HS3ST3B1: variants seen among roughly 807,000 people sequenced by gnomAD.
HS3ST3B1 encodes the protein heparan sulfate glucosamine 3-O-sulfotransferase 3B1.
HS3ST3B1 carries 13 observed loss-of-function variants against 21.3 expected under a neutral mutation model. That is an observed-to-expected ratio of 0.61 (90% CI 0.40 to 0.97). The LOEUF is 0.97. HS3ST3B1 is among the 50% of genes least tolerant of loss of function. The pLI is 0.00. For synonymous variants in HS3ST3B1, 234 were observed against 254.8 expected (o/e 0.92, Z 0.78); for missense variants, 459 against 554.8 (o/e 0.83, Z 1.73).
chr17:14,328,666 CAA>C (rs1363385404), intron 1 of HS3ST3B1: 1 of 152,146 alleles, frequency 6.6e-6, no homozygotes, highest in Non-Finnish European at 1.5e-5. Context: ...TGTAGCATCT[CAA>C]GTTTTATAGT....
At chr17:14,311,726 G>C (rs895033150) in intron 1 of HS3ST3B1, among the ~76,000 whole-genome samples, 2 of 152,156 alleles carry the variant, frequency 1.3e-5, no homozygotes, top group Non-Finnish European at 2.9e-5. Context: ...AAAACACTGA[G>C]GAAGTACAGG....
At chr17:14,335,550 C>T (rs1025960054) in intron 1 of HS3ST3B1, among the ~76,000 whole-genome samples, 1 of 152,110 alleles carries the variant, frequency 6.6e-6, no homozygotes, top group Non-Finnish European at 1.5e-5. Context: ...CAAAAATTAG[C>T]TGGGCATGGT....
chr17:14,338,316 G>A lies in HS3ST3B1; in HGVS notation c.555-6712G>A, dbSNP rs9906666. 3.2e-3 allele frequency among the ~76,000 whole-genome samples: 483 copies of A among 151,452 alleles called. 18 individuals carry two copies. The highest frequency in any genetic ancestry group is 0.011 in the African/African-American group (464 of 40,940). On this transcript the variant is annotated intron_variant, in intron 1 of 1. Coordinates refer to ENST00000360954, the MANE Select transcript of HS3ST3B1 (RefSeq NM_006041.3). ...AATTTTTTGTATTTTAGTAGAGATGGGGTTTCATCATGTTAGCCAGGACGG... is the reference window on the plus strand; with the variant it reads ...AATTTTTTGTATTTTAGTAGAGATGAGGTTTCATCATGTTAGCCAGGACGG...
At chr17:14,310,912 G>A (rs1017239138) in intron 1 of HS3ST3B1, among the ~76,000 whole-genome samples, 3 of 152,190 alleles carry the variant, frequency 2.0e-5, no homozygotes, top group Admixed American at 6.5e-5. Context: ...GTGGATGGGT[G>A]TGGGAAGGGA....
intron 1 of HS3ST3B1, among the ~76,000 whole-genome samples, chr17:14,322,783 C>G (rs868450947): frequency 3.9e-5 from 6 of 152,084 alleles, no homozygotes; most frequent in Non-Finnish European, 7.4e-5. Flanking sequence ...GCAGAACAAC[C>G]AACCCGTGGC....
At chr17:14,341,008 C>T (rs1272940766) in intron 1 of HS3ST3B1, among the ~76,000 whole-genome samples, 1 of 152,156 alleles carries the variant, frequency 6.6e-6, no homozygotes, top group African/African-American at 2.4e-5. Flanking sequence ...CTTTCTGACA[C>T]ATGTGGACAA....
At chr17:14,311,242 A>G (rs1254091308) in intron 1 of HS3ST3B1, among the ~76,000 whole-genome samples, 1 of 151,044 alleles carries the variant, frequency 6.6e-6, no homozygotes, top group Middle Eastern at 3.2e-3. Flanking sequence ...CTAATTAAAA[A>G]AAAAAAAAAA....
chr17:14,327,351 A>G (rs1437182608), intron 1 of HS3ST3B1: 1 of 152,210 alleles, frequency 6.6e-6, no homozygotes, highest in Non-Finnish European at 1.5e-5. Flanking sequence ...TAGTCTGAAC[A>G]GATGTTGATT....
intron 1 of HS3ST3B1, among the ~76,000 whole-genome samples, chr17:14,335,096 G>T (rs1910147967): frequency 2.6e-5 from 4 of 152,180 alleles, no homozygotes; most frequent in Admixed American, 2.6e-4. Context: ...GTGCTCTTGG[G>T]ATTGGTGTGA....
At chr17:14,326,390 T>C (rs1909818058) in intron 1 of HS3ST3B1, among the ~76,000 whole-genome samples, 1 of 152,190 alleles carries the variant, frequency 6.6e-6, no homozygotes, top group Admixed American at 6.5e-5. Flanking sequence ...TTTGGAAAGA[T>C]GTCTGTGGAA....
chr17:14,313,601 G>A (rs953621123), intron 1 of HS3ST3B1, among the ~76,000 whole-genome samples: 2 of 151,818 alleles, frequency 1.3e-5, no homozygotes, highest in East Asian at 1.9e-4. Context: ...ACGAAGTTTC[G>A]CTCTTGTTGC....
chr17:14,301,584 G>A lies in HS3ST3B1; in HGVS notation c.66G>A (p.Pro22=). The A allele has an allele frequency of 1.3e-6, 2 of 1,599,616 alleles. No individual in the cohort carries two copies. The highest frequency in any genetic ancestry group is 2.2e-5 in the East Asian group (1 of 44,556). The change falls in exon 1 of 2, where the codon CCG becomes CCA. Residue 22 remains proline, a synonymous_variant. Transcript: ENST00000360954. ...TCCCCGGCCGGCTCCTACCGCAGCC[G>A]CCGCCGCCCCCGCCGCCGGTGAGGA... ...LDVPGRLLPQ[P]PPPPPPVRRK...
At chr17:14,306,039 G>A (rs1909128069) in intron 1 of HS3ST3B1, among the ~76,000 whole-genome samples, 1 of 152,156 alleles carries the variant, frequency 6.6e-6, no homozygotes, top group South Asian at 2.1e-4. Context: ...TTAAGTGATT[G>A]AAGCAAGATA....
intron 1 of HS3ST3B1, among the ~76,000 whole-genome samples, chr17:14,330,656 T>C (rs1184834920): frequency 6.6e-6 from 1 of 151,920 alleles, no homozygotes; most frequent in Non-Finnish European, 1.5e-5. Flanking sequence ...TTTTGCAAGC[T>C]CTCTGGGTGA....
intron 1 of HS3ST3B1, among the ~76,000 whole-genome samples, chr17:14,330,793 C>A (rs1909986971): frequency 6.6e-6 from 1 of 152,122 alleles, no homozygotes; most frequent in African/African-American, 2.4e-5. Flanking sequence ...GAATTGCAAG[C>A]TGCTTGCTGG....
Position 14,301,335 on chromosome 17 carries a change from C to CGCT in HS3ST3B1, c.-183_-181dup. On this transcript the variant is annotated 5_prime_UTR_variant, in exon 1 of 2. Coordinates refer to ENST00000360954, the MANE Select transcript of HS3ST3B1 (RefSeq NM_006041.3). ...CGGGCAACATGTCAAGAGCCGCCGC[C>CGCT]GCTACAGCTGCCGCCGCCACCTGGG... The CGCT allele has an allele frequency of 3.9e-6, 2 of 516,412 alleles. No homozygotes were observed. The highest frequency in any genetic ancestry group is 6.5e-6 in the Non-Finnish European group (2 of 307,996). The allele number at this position is 516,412 out of a possible 1,614,324, so 32.0% of individuals were successfully genotyped here. A position where few individuals can be genotyped will look rare whatever the true frequency, so the allele number is the denominator to read the frequency against.
intron 1 of HS3ST3B1, among the ~76,000 whole-genome samples, chr17:14,325,854 G>T (rs1281000602): frequency 6.6e-6 from 1 of 152,132 alleles, no homozygotes; most frequent in African/African-American, 2.4e-5. Context: ...TTGCCTCAGA[G>T]GTCAAATCCA....
intron 1 of HS3ST3B1, among the ~76,000 whole-genome samples, chr17:14,325,910 A>G (rs562696714): frequency 6.6e-5 from 10 of 152,250 alleles, no homozygotes; most frequent in Middle Eastern, 3.4e-3. Context: ...CTCTTCCTTT[A>G]TCTAGCAACT....
rs1910650195 is a variant in HS3ST3B1, at chr17:14,348,916, G to C, written c.*3270G>C. The C allele has an allele frequency of 6.6e-6, 1 of 152,176 alleles. No individual in the cohort carries two copies. Among genetic ancestry groups the C allele is most frequent in the Admixed American group, 6.6e-5 (1 of 15,262 alleles). The allele number at this position is 152,176 out of a possible 1,614,324, so 9.4% of individuals were successfully genotyped here. A position where few individuals can be genotyped will look rare whatever the true frequency, so the allele number is the denominator to read the frequency against. ...TACTTAATTGGATGATGGAGGAGGAGAAATTGTTTTCTTCCCAGGATTCTC... is the reference window on the plus strand; with the variant it reads ...TACTTAATTGGATGATGGAGGAGGACAAATTGTTTTCTTCCCAGGATTCTC... On this transcript the variant is annotated 3_prime_UTR_variant, in exon 2 of 2. Coordinates refer to ENST00000360954, the MANE Select transcript of HS3ST3B1 (RefSeq NM_006041.3).
Sources: allele counts gnomAD v4.1 joint callset (sites outside exome capture counted in the v4.1 genomes callset), GRCh38; gene constraint gnomAD v4.1.1; transcripts MANE v1.5; gene names NCBI Gene and HGNC (gene_info 2026-07-23, HGNC 2026-07-21).